Variants in PRSS53 observed in about 807,000 individuals in gnomAD.
The protein encoded by PRSS53 is EDTP308.
A neutral mutation model predicts 62.7 loss-of-function variants in PRSS53; 54 were observed. The ratio of observed to expected loss-of-function variants is 0.86; its 90% CI spans 0.69 to 1.08. The LOEUF is 1.08. Ranked by LOEUF, PRSS53 falls within the 50% of genes least tolerant of loss-of-function variation. The probability of loss-of-function intolerance (pLI) is 0.00; values close to 1 mark genes in which losing one functional copy is unlikely to be tolerated. For missense variants in PRSS53, 688 were observed against 728.3 expected (o/e 0.94, Z 0.64); for synonymous variants, 273 against 300.0 (o/e 0.91, Z 0.93).
chr16:31,087,276 C>G (rs774250736), intron 3 of PRSS53: 1 of 561,934 alleles, frequency 1.8e-6, no homozygotes, highest in African/African-American at 1.9e-5. Flanking sequence ...GGATTACAAG[C>G]GTGAGCTACT....
chr16:31,088,341 T>C (rs1478109512), intron 1 of PRSS53: 2 of 1,118,752 alleles, frequency 1.8e-6, no homozygotes, highest in Non-Finnish European at 2.2e-6. Flanking sequence ...AGAGGGCCCC[T>C]GCCCACCGCC....
exon 11 of PRSS53, chr16:31,083,464 T>TA: frequency 1.5e-6 from 2 of 1,312,320 alleles, no homozygotes; most frequent in South Asian, 2.1e-5. Context: ...TATTTAAGTT[T>TA]AAAAAAAGGA....
rs766679291 is a variant in PRSS53 at position 31,085,949 on chromosome 16, A to G, written c.883+15T>C. The G allele has an allele frequency of 6.2e-6, 10 of 1,600,758 alleles. No homozygotes were observed. Among genetic ancestry groups the G allele is most frequent in the Admixed American group, 1.7e-5 (1 of 59,838 alleles). Reference sequence around the variant, plus strand: ...ACAGTGGCTTCTGCCCACTCCCAGCATGCCCCACTCGTACCTACACAGCTG... The same window carrying G: ...ACAGTGGCTTCTGCCCACTCCCAGCGTGCCCCACTCGTACCTACACAGCTG... On this transcript the variant is annotated intron_variant, in intron 6 of 10. Transcript: ENST00000280606.
exon 4 of PRSS53, chr16:31,086,803 G>A: frequency 6.2e-7 from 1 of 1,613,580 alleles, no homozygotes; most frequent in Non-Finnish European, 8.5e-7. Context: ...CAACTGCAGG[G>A]CAGCCACCCC....
intron 6 of PRSS53, 55 bp downstream of exon 6, chr16:31,085,909 A>G: frequency 1.3e-6 from 2 of 1,515,390 alleles, no homozygotes; most frequent in South Asian, 1.1e-5. Flanking sequence ...TCTAGTCCTA[A>G]CTGAGGTTTG....
rs1283226268 is a variant in PRSS53 at position 31,085,017 on chromosome 16, C to T, written c.1042G>A (p.Ala348Thr). Residue 348 changes from alanine (A) to threonine (T), a missense_variant, in exon 8 of 11, where the codon GCC becomes ACC. Coordinates refer to ENST00000280606, the Ensembl canonical transcript of PRSS53. Reference sequence around the variant, plus strand: ...AGCCCTACGCTCCATTCCTCTGGGGCCTGGCGCCTGTGCAGAGGCAGTGTG... The same window carrying T: ...AGCCCTACGCTCCATTCCTCTGGGGTCTGGCGCCTGTGCAGAGGCAGTGTG... 4 of 1,595,486 alleles carry T rather than the reference C, an allele frequency of 2.5e-6. No individual in the cohort carries two copies. In the African/African-American group the frequency reaches 4.0e-5, roughly 16 times the overall value.
intron 1 of PRSS53, 167 bp downstream of exon 1, chr16:31,088,585 A>G: frequency 6.9e-7 from 1 of 1,443,624 alleles, no homozygotes; most frequent in Non-Finnish European, 9.1e-7. Context: ...CCATGTTGAC[A>G]CAGGTGGCCA....
chr16:31,085,233 G>T (rs1174222971), exon 7 of PRSS53: 2 of 1,593,544 alleles, frequency 1.3e-6, no homozygotes, highest in Non-Finnish European at 1.7e-6. Context: ...TCCTGCCTGG[G>T]GACCTGCTGT....
At chr16:31,085,244 C>A in exon 7 of PRSS53, 1 of 1,581,690 alleles carries the variant, frequency 6.3e-7, no homozygotes, top group Non-Finnish European at 8.6e-7. Flanking sequence ...GACCTGCTGT[C>A]CTCAAGGATC....
At chr16:31,088,874 T>C in exon 1 of PRSS53, 1 of 1,602,714 alleles carries the variant, frequency 6.2e-7, no homozygotes, top group East Asian at 2.2e-5. Flanking sequence ...TCTCCCTGGC[T>C]CCACCTCTGC....
rs1255857189 is a variant in PRSS53 at position 31,087,084 on chromosome 16, ACCTCCCAGGCTCAAGCGAT to A, written c.243-205_243-187del. On this transcript the variant is annotated intron_variant, in intron 3 of 10. Coordinates refer to ENST00000280606, the Ensembl canonical transcript of PRSS53. The stretch of plus-strand genomic sequence containing the variant: ...TGACCATGACTCACTACAAGCCTTG[ACCTCCCAGGCTCAAGCGAT>A]CCTCCCACCTCAGCCTCGTGAGTAG... 10 of 603,256 alleles carry A rather than the reference ACCTCCCAGGCTCAAGCGAT, an allele frequency of 1.7e-5. No homozygotes were observed. The African/African-American group carries it at 1.7e-4, about 10-fold the overall frequency. The allele number at this position is 603,256 out of a possible 1,614,324, so 37.4% of individuals were successfully genotyped here.
At chr16:31,088,289 T>C in intron 1 of PRSS53, 3 of 1,125,470 alleles carry the variant, frequency 2.7e-6, no homozygotes, top group Non-Finnish European at 3.3e-6. Context: ...AGAGACTCAG[T>C]CTTCCCCACC....
exon 1 of PRSS53, chr16:31,088,874 T>A: frequency 6.2e-7 from 1 of 1,602,714 alleles, no homozygotes; most frequent in Non-Finnish European, 8.5e-7. Context: ...TCTCCCTGGC[T>A]CCACCTCTGC....
At chr16:31,087,932 C>T in intron 1 of PRSS53, 106 bp from the exon 2 acceptor site, 1 of 1,560,616 alleles carries the variant, frequency 6.4e-7, no homozygotes, top group Non-Finnish European at 8.7e-7. Flanking sequence ...TTGCCTGTGA[C>T]TCTGATTACC....
chr16:31,085,244 C>G (rs750108535), exon 7 of PRSS53: 34 of 1,581,572 alleles, frequency 2.1e-5, no homozygotes, highest in Non-Finnish European at 2.9e-5. Flanking sequence ...GACCTGCTGT[C>G]CTCAAGGATC....
intron 3 of PRSS53, chr16:31,087,281 G>A (rs899974944): frequency 1.6e-5 from 9 of 566,736 alleles, no homozygotes; most frequent in Non-Finnish European, 2.8e-5. Flanking sequence ...ACAAGCGTGA[G>A]CTACTGTGCC....
At chr16:31,085,053 G>A (rs745937671) in intron 7 of PRSS53, 29 bp from the exon 8 acceptor site, 4 of 1,610,274 alleles carry the variant, frequency 2.5e-6, no homozygotes, top group Middle Eastern at 1.7e-4. Context: ...GACGGCACCA[G>A]GTGACAGGGC....
chr16:31,086,578 G>A (rs895872233), intron 4 of PRSS53, 55 bp downstream of exon 4: 16 of 1,553,052 alleles, frequency 1.0e-5, no homozygotes, highest in Admixed American at 1.8e-5. Context: ...AGCTGAGACT[G>A]TGACGCTGGG....
At chr16:31,087,050 G>A in intron 3 of PRSS53, 152 bp from the exon 4 acceptor site, 1 of 760,006 alleles carries the variant, frequency 1.3e-6, no homozygotes, top group Non-Finnish European at 2.0e-6. Context: ...AGGCTGCAGT[G>A]CAGTGGCATG....
Sources: gnomAD v4.1 joint callset for allele counts on GRCh38, gnomAD v4.1.1 for gene constraint, MANE v1.5 for transcripts, NCBI Gene and HGNC (gene_info 2026-07-23, HGNC 2026-07-21) for gene names.